The following TANGO6 variants were observed in gnomAD, a reference collection of about 807,000 sequenced individuals.
TANGO6 encodes the protein transport and golgi organization 6 homolog, also known as transport and Golgi organization protein 6 homolog.
Under a neutral mutation model 114.2 loss-of-function variants are expected in TANGO6, and 90 were observed. The observed-to-expected ratio is 0.79, with a 90% CI of 0.66 to 0.94. TANGO6 has a LOEUF of 0.94. Among genes scored for constraint, TANGO6 ranks in the 40% least tolerant of loss-of-function variants. The pLI is 0.00. For missense variants in TANGO6, 1,274 were observed against 1,315.3 expected, an observed-to-expected ratio of 0.97 and a Z score of 0.49; for synonymous variants, 477 against 509.8, an observed-to-expected ratio of 0.94 and a Z score of 0.87.
chr16:68,843,802 C>T, intron 1 of TANGO6, 91 bp downstream of exon 1: 1 of 1,296,678 alleles, frequency 7.7e-7, no homozygotes, highest in South Asian at 1.3e-5. Context: ...AGCGTGCGCC[C>T]CTTAGGCCCG....
chr16:68,936,680 T>C (rs1963302150), intron 14 of TANGO6, among the ~76,000 whole-genome samples: 1 of 152,174 alleles, frequency 6.6e-6, no homozygotes, highest in Non-Finnish European at 1.5e-5. Flanking sequence ...ATATGTCCTC[T>C]CAGTCACTTT....
chr16:69,068,670 T>C (rs954337355), intron 17 of TANGO6, among the ~76,000 whole-genome samples: 3 of 152,182 alleles, frequency 2.0e-5, no homozygotes, highest in Non-Finnish European at 4.4e-5. Context: ...AAACCATCAC[T>C]TCTTTAGCAC....
intron 15 of TANGO6, among the ~76,000 whole-genome samples, chr16:68,978,811 C>T (rs902602732): frequency 9.9e-5 from 15 of 151,942 alleles, no homozygotes; most frequent in African/African-American, 3.4e-4. Context: ...CTAGCCACAC[C>T]TACTTGTCTT....
At chr16:69,004,002 T>G (rs1300225242) in intron 15 of TANGO6, among the ~76,000 whole-genome samples, 5 of 151,822 alleles carry the variant, frequency 3.3e-5, no homozygotes, top group African/African-American at 1.2e-4. Flanking sequence ...AACATCTGAA[T>G]TGGCAAAAAA....
chr16:68,892,527 T>TG (rs1962637794), intron 7 of TANGO6, among the ~76,000 whole-genome samples: 1 of 151,224 alleles, frequency 6.6e-6, no homozygotes, highest in African/African-American at 2.4e-5. Flanking sequence ...TTTTTTTTTT[T>TG]GAGACGGAGT....
intron 2 of TANGO6, among the ~76,000 whole-genome samples, chr16:68,862,234 A>G (rs908362012): frequency 2.0e-5 from 3 of 151,902 alleles, no homozygotes; most frequent in Non-Finnish European, 4.4e-5. Context: ...ATTATTTTTG[A>G]GATGGAGGCT....
At chr16:68,968,556 G>A in intron 14 of TANGO6, among the ~76,000 whole-genome samples, 1 of 151,746 alleles carries the variant, frequency 6.6e-6, no homozygotes, top group Non-Finnish European at 1.5e-5. Context: ...TAGAGAGGGG[G>A]GTTTCACCAT....
At chr16:68,864,886 C>T (rs1405730618) in intron 3 of TANGO6, among the ~76,000 whole-genome samples, 1 of 152,088 alleles carries the variant, frequency 6.6e-6, no homozygotes, top group Non-Finnish European at 1.5e-5. Context: ...GCCTGGCACA[C>T]CATAATCCCT....
At chr16:68,936,289 G>T (rs1963298607) in intron 14 of TANGO6, among the ~76,000 whole-genome samples, 1 of 152,178 alleles carries the variant, frequency 6.6e-6, no homozygotes, top group Admixed American at 6.5e-5. Context: ...GTTCAATAAT[G>T]AGTATGATAA....
At chr16:68,905,708 C>T (rs1030361166) in intron 9 of TANGO6, among the ~76,000 whole-genome samples, 6 of 151,442 alleles carry the variant, frequency 4.0e-5, no homozygotes, top group African/African-American at 1.5e-4. Context: ...CCGGTTTCTA[C>T]AAAAAAATAC....
intron 17 of TANGO6, among the ~76,000 whole-genome samples, chr16:69,065,727 T>G (rs930671799): frequency 6.6e-6 from 1 of 152,206 alleles, no homozygotes; most frequent in African/African-American, 2.4e-5. Context: ...AGAAATCTCT[T>G]AGACATTAGT....
chr16:68,998,754 T>C (rs1964015280), intron 15 of TANGO6, among the ~76,000 whole-genome samples: 1 of 151,808 alleles, frequency 6.6e-6, no homozygotes, highest in Non-Finnish European at 1.5e-5. Flanking sequence ...AACCAGTTTG[T>C]TTGCAAAATA....
chr16:68,849,986 T>G (rs1260271789), intron 1 of TANGO6, among the ~76,000 whole-genome samples: 1 of 149,538 alleles, frequency 6.7e-6, no homozygotes, highest in Non-Finnish European at 1.5e-5. Flanking sequence ...TTTTTTTTTT[T>G]TTTTTGAGAC....
chr16:68,869,950 G>T (rs1005076701), intron 4 of TANGO6, among the ~76,000 whole-genome samples: 3 of 152,166 alleles, frequency 2.0e-5, no homozygotes, highest in African/African-American at 7.2e-5. Flanking sequence ...GTGGCTGGGG[G>T]CCACCTCAGG....
At chr16:68,922,845 G>C (rs562169946) in intron 12 of TANGO6, among the ~76,000 whole-genome samples, 69 of 152,096 alleles carry the variant, frequency 4.5e-4, no homozygotes, top group Middle Eastern at 6.8e-3. Flanking sequence ...ATTCTACTGG[G>C]GTGGGGGCCC....
chr16:68,848,928 A>C (rs1322819119), intron 1 of TANGO6, among the ~76,000 whole-genome samples: 1 of 152,102 alleles, frequency 6.6e-6, no homozygotes, highest in African/African-American at 2.4e-5. Flanking sequence ...GCTCTCAAGC[A>C]GAAGATATCC....
chr16:69,005,679 T>C (rs1158986031), intron 15 of TANGO6, among the ~76,000 whole-genome samples: 1 of 151,854 alleles, frequency 6.6e-6, no homozygotes, highest in African/African-American at 2.4e-5. Context: ...TCCCAGCTAC[T>C]TGGGAGGCTG....
chr16:68,906,242 C>T (rs1962848204), intron 9 of TANGO6, among the ~76,000 whole-genome samples: 1 of 152,054 alleles, frequency 6.6e-6, no homozygotes, highest in African/African-American at 2.4e-5. Context: ...CTGATTTAGC[C>T]AGATTTTATA....
intron 12 of TANGO6, among the ~76,000 whole-genome samples, chr16:68,927,187 TGA>T (rs1963178105): frequency 6.6e-6 from 1 of 152,146 alleles, no homozygotes; most frequent in African/African-American, 2.4e-5. Context: ...GGGTATTGGG[TGA>T]GAGTGTGGGC....
Sources: gnomAD v4.1 joint callset for allele counts (sites outside exome capture counted in the v4.1 genomes callset) on GRCh38, gnomAD v4.1.1 for gene constraint, MANE v1.5 for transcripts, NCBI Gene and HGNC (gene_info 2026-07-23, HGNC 2026-07-21) for gene names.